Variants in GALNT2 observed in about 807,000 individuals in gnomAD.
The protein encoded by GALNT2 is polypeptide N-acetylgalactosaminyltransferase 2, also known as UDP-GalNAc:polypeptide N-acetylgalactosaminyltransferase 2.
GALNT2 carries 31 observed loss-of-function variants against 81.4 expected under a neutral mutation model. The ratio of observed to expected loss-of-function variants is 0.38; its 90% CI spans 0.29 to 0.51. The LOEUF is 0.51. GALNT2 is among the 20% of genes least tolerant of loss of function. The pLI, the probability that GALNT2 is intolerant of heterozygous loss-of-function variation, is 0.87. For missense variants in GALNT2, 629 were observed against 765.7 expected (o/e 0.82, Z 2.11); for synonymous variants, 303 against 287.4 (o/e 1.05, Z -0.55).
chr1:230,189,106 C>G (rs1452717180), intron 2 of GALNT2, among the ~76,000 whole-genome samples: 1 of 152,174 alleles, frequency 6.6e-6, no homozygotes, highest in African/African-American at 2.4e-5. Context: ...GGAGATCTCT[C>G]ACCCTTTGGT....
rs76320842 is a variant in GALNT2 at position 230,081,355 on chromosome 1, C to T, written c.126+13949C>T. 6.2e-3 allele frequency among the ~76,000 whole-genome samples: 949 copies of T among 152,240 alleles called. 14 individuals are homozygous for T. The highest frequency in any genetic ancestry group is 0.022 in the African/African-American group (919 of 41,538). Reference sequence around the variant, plus strand: ...CCAGGAGATTATTTCCCAATTCCACCCTTAATCTTTTCCAGCTTGTCTTTG... The same window carrying T: ...CCAGGAGATTATTTCCCAATTCCACTCTTAATCTTTTCCAGCTTGTCTTTG... On this transcript the variant is annotated intron_variant, in intron 1 of 15. Coordinates refer to ENST00000366672, the MANE Select transcript of GALNT2 (RefSeq NM_004481.5).
At position 230,071,529 on chromosome 1, in the gene GALNT2, C is replaced by T. The variant is rs374737576; in HGVS notation, c.126+4123C>T. 1.4e-4 allele frequency among the ~76,000 whole-genome samples: 22 copies of T among 152,294 alleles called. No homozygotes were observed. The South Asian group carries it at 4.4e-3, about 30-fold the overall frequency. On this transcript the variant is annotated intron_variant, in intron 1 of 15. Transcript: ENST00000366672. ...CTGCTCTCCCTCTGTAGCCCTGCCC[C>T]TCTTGTTAGAAGGGCAGGTCGCTGT...
At chr1:230,101,670 A>T (rs1660407336) in intron 1 of GALNT2, among the ~76,000 whole-genome samples, 1 of 152,252 alleles carries the variant, frequency 6.6e-6, no homozygotes, top group African/African-American at 2.4e-5. Context: ...CATAAGAGTG[A>T]TGGAGGAAAA....
intron 1 of GALNT2, among the ~76,000 whole-genome samples, chr1:230,177,526 G>A (rs1663021109): frequency 6.6e-6 from 1 of 152,246 alleles, no homozygotes; most frequent in Admixed American, 6.5e-5. Flanking sequence ...TGGTCGTGCA[G>A]TTGTTATTTA....
chr1:230,278,038 GA>G (rs1361206873), intron 15 of GALNT2, among the ~76,000 whole-genome samples: 5 of 144,756 alleles, frequency 3.5e-5, no homozygotes, highest in African/African-American at 1.3e-4. Context: ...CTTTGGGGAA[GA>G]AAAAAATGTT....
At chr1:230,073,004 A>C (rs1325022906) in intron 1 of GALNT2, among the ~76,000 whole-genome samples, 1 of 152,212 alleles carries the variant, frequency 6.6e-6, no homozygotes, top group Non-Finnish European at 1.5e-5. Context: ...TGGTTCCACC[A>C]TTGTAATCTT....
chr1:230,170,484 AC>A (rs1281607264), intron 1 of GALNT2, among the ~76,000 whole-genome samples: 3 of 152,352 alleles, frequency 2.0e-5, no homozygotes, highest in African/African-American at 7.2e-5. Context: ...ATGCATAGAT[AC>A]CAGTGTTTTA....
chr1:230,090,413 C>A (rs1052129900), intron 1 of GALNT2, among the ~76,000 whole-genome samples: 17 of 152,282 alleles, frequency 1.1e-4, no homozygotes, highest in African/African-American at 3.4e-4. Flanking sequence ...AGCCTGCTGC[C>A]CCTCCACAGC....
chr1:230,058,618 T>C (rs928840667), intron 1 of GALNT2, among the ~76,000 whole-genome samples: 2 of 152,228 alleles, frequency 1.3e-5, no homozygotes, highest in African/African-American at 4.8e-5. Flanking sequence ...TGCGAAGATT[T>C]AATAAAATAA....
At chr1:230,092,636 A>T (rs1660126994) in intron 1 of GALNT2, among the ~76,000 whole-genome samples, 1 of 151,936 alleles carries the variant, frequency 6.6e-6, no homozygotes, top group South Asian at 2.1e-4. Context: ...GAGCCACCGC[A>T]CCTGGCCAAG....
chr1:230,090,145 A>G (rs900067818), intron 1 of GALNT2, among the ~76,000 whole-genome samples: 3 of 152,180 alleles, frequency 2.0e-5, no homozygotes, highest in East Asian at 3.8e-4. Flanking sequence ...TGGATGAGGG[A>G]AAGTTTGACC....
intron 11 of GALNT2, among the ~76,000 whole-genome samples, chr1:230,258,373 G>A (rs1297019326): frequency 6.6e-6 from 1 of 151,816 alleles, no homozygotes; most frequent in Non-Finnish European, 1.5e-5. Flanking sequence ...GGGATTACAG[G>A]CATGCGCCAC....
At chr1:230,228,575 T>C (rs1664782717) in intron 3 of GALNT2, among the ~76,000 whole-genome samples, 1 of 152,108 alleles carries the variant, frequency 6.6e-6, no homozygotes, top group Admixed American at 6.5e-5. Context: ...AAAAAGAGAT[T>C]ATGGATCTCC....
At chr1:230,231,262 G>A (rs1322755143) in intron 3 of GALNT2, among the ~76,000 whole-genome samples, 1 of 152,120 alleles carries the variant, frequency 6.6e-6, no homozygotes, top group African/African-American at 2.4e-5. Context: ...TTTTTCACAC[G>A]TTTTTATTTG....
chr1:230,245,965 G>C, intron 7 of GALNT2, 98 bp from the exon 8 acceptor site: 1 of 1,000,140 alleles, frequency 1.0e-6, no homozygotes, highest in Non-Finnish European at 1.6e-6. Context: ...GGCCAGTTGG[G>C]TTTGCCCTGT....
At chr1:230,103,285 C>T (rs541404518) in intron 1 of GALNT2, among the ~76,000 whole-genome samples, 6 of 152,308 alleles carry the variant, frequency 3.9e-5, no homozygotes, top group African/African-American at 1.4e-4. Flanking sequence ...TCAGTTTGCA[C>T]ATCATGAGAC....
At chr1:230,136,470 G>A (rs745621439) in intron 1 of GALNT2, among the ~76,000 whole-genome samples, 1 of 152,156 alleles carries the variant, frequency 6.6e-6, no homozygotes, top group African/African-American at 2.4e-5. Flanking sequence ...CGTGAGGCCT[G>A]TCTGCCGCGC....
intron 1 of GALNT2, among the ~76,000 whole-genome samples, chr1:230,086,747 C>T (rs750780068): frequency 6.6e-5 from 10 of 152,126 alleles, no homozygotes; most frequent in African/African-American, 2.2e-4. Flanking sequence ...TTCATGTGTT[C>T]GGGGCACAGC....
intron 1 of GALNT2, among the ~76,000 whole-genome samples, chr1:230,109,906 T>A (rs1660653786): frequency 1.3e-5 from 2 of 152,194 alleles, no homozygotes; most frequent in Non-Finnish European, 2.9e-5. Context: ...AACAAGCTCA[T>A]TTTATGCATT....
Sources: allele counts gnomAD v4.1 joint callset (sites outside exome capture counted in the v4.1 genomes callset), GRCh38; gene constraint gnomAD v4.1.1; transcripts MANE v1.5; gene names NCBI Gene and HGNC (gene_info 2026-07-23, HGNC 2026-07-21).